CLIC5: variants seen among roughly 807,000 people sequenced by gnomAD.
CLIC5 encodes CLIC family member 5, also known as chloride intracellular channel protein 5.
CLIC5 carries 20 observed loss-of-function variants against 24.7 expected under a neutral mutation model. The observed-to-expected ratio is 0.81, with a 90% CI of 0.57 to 1.18. The LOEUF is 1.18. CLIC5 is among the 50% of genes most tolerant of loss of function. CLIC5 has a pLI of 0.00. For missense variants in CLIC5, 341 were observed against 326.1 expected (o/e 1.05, Z -0.35); for synonymous variants, 159 against 135.6 (o/e 1.17, Z -1.20).
chr6:45,919,606 C>T (rs1452947266), intron 4 of CLIC5, among the ~76,000 whole-genome samples: 10 of 152,162 alleles, frequency 6.6e-5, no homozygotes, highest in Admixed American at 3.9e-4. Context: ...GAAAGCCTCG[C>T]GGCCTTGCTG....
At chr6:45,997,590 C>T (rs902492631) in intron 1 of CLIC5, among the ~76,000 whole-genome samples, 1 of 151,472 alleles carries the variant, frequency 6.6e-6, no homozygotes, top group Non-Finnish European at 1.5e-5. Context: ...TCAAATGGCA[C>T]TGGGTAGCAA....
chr6:45,893,979 C>G (rs775859862), downstream of CLIC5, among the ~76,000 whole-genome samples: 9 of 152,178 alleles, frequency 5.9e-5, no homozygotes, highest in African/African-American at 2.2e-4. Context: ...CCAGTTCATA[C>G]TCAACTCATC....
intron 1 of CLIC5, among the ~76,000 whole-genome samples, chr6:45,971,844 G>T (rs997339994): frequency 7.9e-5 from 12 of 152,188 alleles, no homozygotes; most frequent in African/African-American, 2.9e-4. Context: ...GCCTGCTGAA[G>T]AATTAAAAGA....
At chr6:46,054,486 C>T (rs1296016578) in intron 1 of CLIC5, among the ~76,000 whole-genome samples, 5 of 152,200 alleles carry the variant, frequency 3.3e-5, no homozygotes, top group African/African-American at 1.2e-4. Flanking sequence ...CCCCCTTATG[C>T]ATCATCCAAA....
chr6:45,947,512 G>A lies in CLIC5; in HGVS notation c.299+1744C>T, dbSNP rs199653889. Among the ~76,000 whole-genome samples the A allele has an allele frequency of 3.3e-5, 5 of 152,098 alleles. No individual in the cohort carries two copies. In the East Asian group the frequency reaches 9.7e-4, roughly 29 times the overall value. Reference sequence around the variant, plus strand: ...CACTGCCTGGCAACAGACCAAATGGGCCCCTCTGCTCCTCACTGCTTCCAC... The same window carrying A: ...CACTGCCTGGCAACAGACCAAATGGACCCCTCTGCTCCTCACTGCTTCCAC... On this transcript the variant is annotated intron_variant, in intron 3 of 5. Coordinates refer to ENST00000339561, the MANE Select transcript of CLIC5 (RefSeq NM_016929.5).
intron 1 of CLIC5, among the ~76,000 whole-genome samples, chr6:45,978,376 G>A (rs564373213): frequency 5.9e-5 from 9 of 152,160 alleles, no homozygotes; most frequent in African/African-American, 9.6e-5. Flanking sequence ...AGCAGGAATC[G>A]TAAGCTTTCC....
intron 1 of CLIC5, among the ~76,000 whole-genome samples, chr6:46,052,477 GT>G (rs1768131123): frequency 6.6e-6 from 1 of 152,202 alleles, no homozygotes; most frequent in Non-Finnish European, 1.5e-5. Context: ...GAGAAGATAG[GT>G]AGGAAAATGT....
intron 1 of CLIC5, among the ~76,000 whole-genome samples, chr6:45,959,783 C>T (rs1027148990): frequency 5.9e-5 from 9 of 152,338 alleles, no homozygotes; most frequent in African/African-American, 2.2e-4. Flanking sequence ...AACCATCAGA[C>T]TTTGGAATGC....
chr6:46,081,794 T>C (rs1343383555), upstream of CLIC5, among the ~76,000 whole-genome samples: 2 of 152,238 alleles, frequency 1.3e-5, no homozygotes, highest in African/African-American at 2.4e-5. Flanking sequence ...AAAAACTTAA[T>C]GGCGGAGCTG....
intron 3 of CLIC5, among the ~76,000 whole-genome samples, chr6:45,947,844 A>G (rs1032657220): frequency 3.3e-5 from 5 of 152,154 alleles, no homozygotes; most frequent in Non-Finnish European, 5.9e-5. Flanking sequence ...GATTTAATTA[A>G]TGCACTTATT....
At chr6:46,113,395 C>A in the CLIC5 span, among the ~76,000 whole-genome samples, 1 of 152,172 alleles carries the variant, frequency 6.6e-6, no homozygotes, top group South Asian at 2.1e-4. Flanking sequence ...TGAGGCATTG[C>A]TGGAGGAGGT....
At chr6:45,962,963 A>G (rs1384208361) in intron 1 of CLIC5, among the ~76,000 whole-genome samples, 1 of 152,288 alleles carries the variant, frequency 6.6e-6, no homozygotes, top group East Asian at 1.9e-4. Flanking sequence ...TGTGCTTCAC[A>G]CACTCTCTGA....
chr6:46,000,664 A>ATGCATTCACAT lies in CLIC5; in HGVS notation c.63+14815_63+14816insATGTGAATGCA, dbSNP rs1766320882. Among the ~76,000 whole-genome samples the ATGCATTCACAT allele has an allele frequency of 8.5e-5, 13 of 152,208 alleles. 1 individual carries two copies. The highest frequency in any genetic ancestry group is 1.8e-4 in the Non-Finnish European group (12 of 68,040). On this transcript the variant is annotated intron_variant, in intron 1 of 5. Coordinates refer to ENST00000339561, the MANE Select transcript of CLIC5 (RefSeq NM_016929.5). ...ATCATGGTAGAATGCACCTCTTCAC[A>ATGCATTCACAT]GGGCAGCAGGAGAGAGAATGACTGC...
intron 3 of CLIC5, among the ~76,000 whole-genome samples, chr6:45,942,868 C>A (rs1384647928): frequency 6.6e-6 from 1 of 152,194 alleles, no homozygotes; most frequent in Non-Finnish European, 1.5e-5. Context: ...TATTGTCCTC[C>A]TTTTACATGG....
the CLIC5 span, among the ~76,000 whole-genome samples, chr6:46,089,286 C>A: frequency 6.6e-6 from 1 of 151,990 alleles, no homozygotes; most frequent in Admixed American, 6.6e-5. Context: ...AACTTTGGTG[C>A]CAAACAGATC....
rs1035149711 is a variant in CLIC5 at position 46,049,543 on chromosome 6, T to C, written c.540+30160A>G. On this transcript the variant is annotated intron_variant, in intron 1 of 5. Transcript: ENST00000185206. Reference sequence around the variant, plus strand: ...CCTCAGTATTAAGCAGAGTATCACATAGTTAAAAATACAGGCTTTGGAGAC... The same window carrying C: ...CCTCAGTATTAAGCAGAGTATCACACAGTTAAAAATACAGGCTTTGGAGAC... Among the ~76,000 whole-genome samples, 6 of 152,134 alleles carry C rather than the reference T, an allele frequency of 3.9e-5. No individual in the cohort carries two copies. In the East Asian group the frequency reaches 5.8e-4, roughly 15 times the overall value.
intron 1 of CLIC5, among the ~76,000 whole-genome samples, chr6:46,058,579 T>C (rs995491123): frequency 6.6e-6 from 1 of 152,240 alleles, no homozygotes; most frequent in East Asian, 1.9e-4. Flanking sequence ...GTCTGGAATA[T>C]GTGCAAAGTG....
chr6:45,942,640 A>C (rs985301440), intron 3 of CLIC5, among the ~76,000 whole-genome samples: 2 of 152,138 alleles, frequency 1.3e-5, no homozygotes, highest in African/African-American at 4.8e-5. Context: ...AAAAAGCAAA[A>C]TCCTTTTTGT....
At chr6:45,914,549 TG>T in intron 4 of CLIC5, 140 bp from the exon 5 acceptor site, 1 of 1,270,702 alleles carries the variant, frequency 7.9e-7, no homozygotes. Context: ...GCAGAATACC[TG>T]GAAACCATTA....
Sources: gnomAD v4.1 joint callset for allele counts (sites outside exome capture counted in the v4.1 genomes callset) on GRCh38, gnomAD v4.1.1 for gene constraint, MANE v1.5 for transcripts, NCBI Gene and HGNC (gene_info 2026-07-23, HGNC 2026-07-21) for gene names.